The following CAP2 variants were observed in gnomAD, a reference collection of about 807,000 sequenced individuals.
The protein encoded by CAP2 is adenylyl cyclase-associated protein 2.
CAP2 carries 24 observed loss-of-function variants against 57.7 expected under a neutral mutation model. The ratio of observed to expected loss-of-function variants is 0.42; its 90% CI spans 0.30 to 0.58. CAP2 has a LOEUF of 0.58. CAP2 is among the 20% of genes least tolerant of loss of function. The probability of loss-of-function intolerance (pLI) is 0.22; values close to 1 mark genes in which losing one functional copy is unlikely to be tolerated. For missense variants in CAP2, 501 were observed against 590.3 expected, an observed-to-expected ratio of 0.85 and a Z score of 1.57; for synonymous variants, 194 against 207.2, an observed-to-expected ratio of 0.94 and a Z score of 0.55.
intron 4 of CAP2, among the ~76,000 whole-genome samples, chr6:17,487,822 A>AG (rs1399491105): frequency 1.8e-4 from 28 of 152,152 alleles, no homozygotes; most frequent in African/African-American, 6.3e-4. Context: ...ACTGTTACCT[A>AG]GGCCGGAGTG....
At chr6:17,533,190 G>C (rs1271741950) in intron 7 of CAP2, among the ~76,000 whole-genome samples, 1 of 150,796 alleles carries the variant, frequency 6.6e-6, no homozygotes, top group Non-Finnish European at 1.5e-5. Context: ...AACAAATTTT[G>C]ATGTACATTA....
chr6:17,545,760 T>C (rs1763029423), intron 11 of CAP2, among the ~76,000 whole-genome samples: 1 of 152,192 alleles, frequency 6.6e-6, no homozygotes, highest in Non-Finnish European at 1.5e-5. Flanking sequence ...AATGTTCTCA[T>C]TGTTCAATAC....
At chr6:17,480,812 T>C (rs1206840504) in intron 4 of CAP2, among the ~76,000 whole-genome samples, 1 of 151,072 alleles carries the variant, frequency 6.6e-6, no homozygotes, top group African/African-American at 2.4e-5. Flanking sequence ...TTTGCTCTTT[T>C]TGCCCAGGCT....
intron 4 of CAP2, among the ~76,000 whole-genome samples, chr6:17,500,357 A>ATG (rs1248827481): frequency 1.1e-5 from 1 of 88,024 alleles, no homozygotes; most frequent in Non-Finnish European, 2.2e-5. Flanking sequence ...ATATATATAT[A>ATG]TATATATATA....
At chr6:17,511,750 G>A (rs1055519871) in intron 6 of CAP2, among the ~76,000 whole-genome samples, 2 of 152,124 alleles carry the variant, frequency 1.3e-5, no homozygotes, top group East Asian at 1.9e-4. Flanking sequence ...CACCCCGCCC[G>A]GCCTGGTTCT....
At chr6:17,505,558 A>C (rs1173332731) in intron 4 of CAP2, among the ~76,000 whole-genome samples, 4 of 152,260 alleles carry the variant, frequency 2.6e-5, no homozygotes. Context: ...TATGTAGCCA[A>C]GGCTGGGAAC....
At chr6:17,514,995 C>G (rs138199155) in intron 7 of CAP2, among the ~76,000 whole-genome samples, 3,256 of 151,832 alleles carry the variant, frequency 0.021, 121 homozygotes, top group African/African-American at 0.074. Context: ...GTCAGGAGTT[C>G]GAGACCAGCC....
At chr6:17,520,438 G>A (rs1023729726) in intron 7 of CAP2, among the ~76,000 whole-genome samples, 5 of 151,992 alleles carry the variant, frequency 3.3e-5, no homozygotes, top group African/African-American at 9.7e-5. Flanking sequence ...TTAATAATAC[G>A]GGTTTTAAAA....
At chr6:17,476,053 TC>T (rs1761145272) in intron 4 of CAP2, among the ~76,000 whole-genome samples, 1 of 152,198 alleles carries the variant, frequency 6.6e-6, no homozygotes, top group African/African-American at 2.4e-5. Flanking sequence ...GGATTATATT[TC>T]CCATACGAGC....
intron 3 of CAP2, among the ~76,000 whole-genome samples, chr6:17,453,496 C>T (rs563888687): frequency 3.3e-5 from 5 of 152,258 alleles, no homozygotes; most frequent in African/African-American, 4.8e-5. Context: ...AGTCAGCTCC[C>T]GTAATTAATT....
chr6:17,463,150 C>A, intron 4 of CAP2, 77 bp downstream of exon 4: 2 of 1,013,578 alleles, frequency 2.0e-6, no homozygotes, highest in Non-Finnish European at 3.1e-6. Flanking sequence ...GCAACAGAAG[C>A]ATTTATTATA....
At chr6:17,455,702 A>T (rs1426333183) in intron 3 of CAP2, among the ~76,000 whole-genome samples, 2 of 151,932 alleles carry the variant, frequency 1.3e-5, no homozygotes, top group Admixed American at 6.6e-5. Flanking sequence ...TGCCCGGCTA[A>T]TTTTTTGTAT....
At chr6:17,534,918 T>G (rs1386266845) in intron 7 of CAP2, among the ~76,000 whole-genome samples, 1 of 152,164 alleles carries the variant, frequency 6.6e-6, no homozygotes, top group Non-Finnish European at 1.5e-5. Context: ...TCTGGGTACA[T>G]GTACCCCCCT....
intron 11 of CAP2, among the ~76,000 whole-genome samples, chr6:17,545,587 G>A (rs1763023211): frequency 6.6e-6 from 1 of 152,122 alleles, no homozygotes; most frequent in Admixed American, 6.6e-5. Context: ...TAGGGTACAT[G>A]TGCACAATGT....
chr6:17,520,885 G>C (rs1300870195), intron 7 of CAP2, among the ~76,000 whole-genome samples: 1 of 152,124 alleles, frequency 6.6e-6, no homozygotes, highest in Non-Finnish European at 1.5e-5. Flanking sequence ...CACACCTTAG[G>C]GGTATTAATC....
At chr6:17,454,795 G>A (rs139068925) in intron 3 of CAP2, among the ~76,000 whole-genome samples, 7 of 152,042 alleles carry the variant, frequency 4.6e-5, no homozygotes, top group Admixed American at 1.3e-4. Context: ...AAACTTTTCC[G>A]TTTTCTATGC....
chr6:17,407,352 G>T (rs189705851), intron 1 of CAP2, among the ~76,000 whole-genome samples: 25 of 152,246 alleles, frequency 1.6e-4, no homozygotes, highest in Admixed American at 3.3e-4. Flanking sequence ...GGTGGCTCAT[G>T]TCTGTAATCC....
intron 7 of CAP2, among the ~76,000 whole-genome samples, chr6:17,524,078 A>AGG (rs1762447355): frequency 1.0e-4 from 7 of 70,182 alleles, no homozygotes; most frequent in African/African-American, 1.8e-4. Flanking sequence ...CTGTCTCAAA[A>AGG]AAAAAAAAAA....
intron 3 of CAP2, among the ~76,000 whole-genome samples, chr6:17,454,287 G>A (rs1282101846): frequency 6.6e-6 from 1 of 151,946 alleles, no homozygotes; most frequent in Non-Finnish European, 1.5e-5. Context: ...GAGAGGAGTC[G>A]TGGCCGTGAC....
Sources: allele counts gnomAD v4.1 joint callset (sites outside exome capture counted in the v4.1 genomes callset), GRCh38; gene constraint gnomAD v4.1.1; transcripts MANE v1.5; gene names NCBI Gene and HGNC (gene_info 2026-07-23, HGNC 2026-07-21).